Variants in TOMM7 observed in about 807,000 individuals in gnomAD.
TOMM7 encodes translocase of outer mitochondrial membrane 7.
In TOMM7, 8 loss-of-function variants were observed where a neutral mutation model predicts 9.5. The observed-to-expected ratio is 0.84, with a 90% CI of 0.49 to 1.51. The LOEUF (loss-of-function observed/expected upper bound fraction) is 1.51. Ranked by LOEUF, TOMM7 falls within the 40% of genes most tolerant of loss-of-function variation. TOMM7 has a pLI of 0.00. For synonymous variants in TOMM7, 27 were observed against 21.4 expected, an observed-to-expected ratio of 1.26 and a Z score of -0.72; for missense variants, 74 against 63.7, an observed-to-expected ratio of 1.16 and a Z score of -0.55.
At chr7:22,822,141 G>A (rs1036824782) in intron 1 of TOMM7, 9 of 1,549,814 alleles carry the variant, frequency 5.8e-6, no homozygotes, top group Non-Finnish European at 7.0e-6. Context: ...TTTCTCTACG[G>A]CTGTTTCCTC....
intron 1 of TOMM7, among the ~76,000 whole-genome samples, chr7:22,820,253 A>T (rs1782369115): frequency 6.6e-6 from 1 of 152,168 alleles, no homozygotes; most frequent in East Asian, 1.9e-4. Flanking sequence ...AGTACTGGAA[A>T]GACAACCTTA....
intron 2 of TOMM7, 79 bp downstream of exon 2, chr7:22,817,921 T>C (rs1345809183): frequency 7.1e-6 from 10 of 1,401,394 alleles, no homozygotes; most frequent in African/African-American, 5.7e-5. Context: ...GGCCTGCCAC[T>C]ATTACTCTTT....
At position 22,822,814 on chromosome 7, in the gene TOMM7, C is replaced by G; in HGVS notation, c.-35G>C. 1 of 1,539,694 alleles carries G rather than the reference C, an allele frequency of 6.5e-7. No homozygotes were observed. The highest frequency in any genetic ancestry group is 9.0e-7 in the Non-Finnish European group (1 of 1,112,720). ...CGTGTGGCGCAGGGAGGACCCCTTA[C>G]AGCAACCACAGCGTCGGGAATCCGA... On this transcript the variant is annotated 5_prime_UTR_variant, in exon 1 of 3. Transcript: ENST00000358435.
At chr7:22,821,640 C>T (rs1387991070) in intron 1 of TOMM7, among the ~76,000 whole-genome samples, 1 of 151,456 alleles carries the variant, frequency 6.6e-6, no homozygotes. Context: ...ATCACAGCTA[C>T]TCGGGAGGCT....
At chr7:22,817,812 T>C (rs894632275) in intron 2 of TOMM7, 188 bp downstream of exon 2, 3 of 548,086 alleles carry the variant, frequency 5.5e-6, no homozygotes, top group African/African-American at 3.8e-5. Flanking sequence ...ATTGTAGTTA[T>C]AACATGGTAC....
At chr7:22,817,500 C>G (rs1181567036) in intron 2 of TOMM7, 1 of 238,178 alleles carries the variant, frequency 4.2e-6, no homozygotes, top group African/African-American at 2.3e-5. Flanking sequence ...ATGATCTTCC[C>G]ACCTTGGCTT....
chr7:22,815,532 CAAAAAAAACTAAAATAAAATAT>C (rs1782306910), intron 2 of TOMM7, among the ~76,000 whole-genome samples: 1 of 151,358 alleles, frequency 6.6e-6, no homozygotes, highest in African/African-American at 2.4e-5. Context: ...CTTCTTGCTA[CAAAAAAAACTAAAATAAAATAT>C]AAAAAACCCA....
intron 1 of TOMM7, among the ~76,000 whole-genome samples, chr7:22,818,768 C>A (rs1267599903): frequency 6.6e-6 from 1 of 152,108 alleles, no homozygotes; most frequent in Non-Finnish European, 1.5e-5. Context: ...TTTGGAAAAA[C>A]ACACAACTAA....
At chr7:22,822,025 A>C (rs1583464975) in intron 1 of TOMM7, 5 of 1,160,516 alleles carry the variant, frequency 4.3e-6, no homozygotes, top group East Asian at 5.4e-5. Flanking sequence ...AAAAACCCCA[A>C]ATCCTTTAAG....
intron 2 of TOMM7, among the ~76,000 whole-genome samples, chr7:22,813,943 T>C (rs1782283788): frequency 2.1e-5 from 3 of 145,396 alleles, no homozygotes; most frequent in Admixed American, 1.4e-4. Context: ...ATATTTTCCC[T>C]GTGCCTAAGA....
intron 2 of TOMM7, chr7:22,817,708 T>C: frequency 3.5e-6 from 1 of 287,824 alleles, no homozygotes; most frequent in Non-Finnish European, 6.6e-6. Flanking sequence ...TGTATTCATC[T>C]GAATGAGGAT....
intron 1 of TOMM7, among the ~76,000 whole-genome samples, chr7:22,821,823 G>A (rs78514355): frequency 6.6e-6 from 1 of 152,012 alleles, no homozygotes; most frequent in African/African-American, 2.4e-5. Flanking sequence ...AACCCTAACT[G>A]AAAAATATTA....
chr7:22,819,377 T>TTC (rs1554305805), intron 1 of TOMM7, among the ~76,000 whole-genome samples: 1 of 151,154 alleles, frequency 6.6e-6, no homozygotes, highest in African/African-American at 2.4e-5. Flanking sequence ...ACACTATTCT[T>TTC]TTTTTTTTTG....
At chr7:22,818,329 T>C (rs1449826706) in intron 1 of TOMM7, 2 of 282,482 alleles carry the variant, frequency 7.1e-6, no homozygotes, top group African/African-American at 2.2e-5. Flanking sequence ...AGTGCTGTGG[T>C]ATGATCTCGG....
At position 22,812,999 on chromosome 7, in the gene TOMM7, A is replaced by G; in HGVS notation, c.*171T>C. On this transcript the variant is annotated 3_prime_UTR_variant, in exon 3 of 3. Coordinates refer to ENST00000358435, the MANE Select transcript of TOMM7 (RefSeq NM_019059.5). ...CACTGTTAAAAACATTTATTCTGAT[A>G]CATTCTATCATAAGTTAGTACAAGT... The G allele has an allele frequency of 4.6e-6, 3 of 652,106 alleles. No individual in the cohort carries two copies. Among genetic ancestry groups the G allele is most frequent in the Non-Finnish European group, 5.6e-6 (2 of 360,212 alleles). The allele number at this position is 652,106 out of a possible 1,614,324, so 40.4% of individuals were successfully genotyped here.
At chr7:22,815,015 C>T (rs953309824) in intron 2 of TOMM7, among the ~76,000 whole-genome samples, 1 of 152,202 alleles carries the variant, frequency 6.6e-6, no homozygotes, top group African/African-American at 2.4e-5. Flanking sequence ...GAGCACAGTA[C>T]ATGAAATTCC....
chr7:22,817,242 CTG>C (rs1206529290), intron 2 of TOMM7: 3 of 153,058 alleles, frequency 2.0e-5, no homozygotes, highest in South Asian at 2.0e-4. Context: ...AATATGTATA[CTG>C]TGTGTGTGAA....
chr7:22,820,511 G>A (rs576232225), intron 1 of TOMM7, among the ~76,000 whole-genome samples: 14 of 152,288 alleles, frequency 9.2e-5, no homozygotes, highest in African/African-American at 3.4e-4. Context: ...AAGACTTACA[G>A]AGAAGCAAAA....
At chr7:22,822,041 T>C in intron 1 of TOMM7, 1 of 1,257,156 alleles carries the variant, frequency 8.0e-7, no homozygotes, top group African/African-American at 1.5e-5. Flanking sequence ...TTAAGTGCGC[T>C]ATAATGGTTA....
Sources: allele counts gnomAD v4.1 joint callset (sites outside exome capture counted in the v4.1 genomes callset), GRCh38; gene constraint gnomAD v4.1.1; transcripts MANE v1.5; gene names NCBI Gene and HGNC (gene_info 2026-07-23, HGNC 2026-07-21).